Variants in CYRIA observed in about 807,000 individuals in gnomAD.
The protein encoded by CYRIA is CYFIP related Rac1 interactor A.
CYRIA carries 15 observed loss-of-function variants against 43.9 expected under a neutral mutation model. That is an observed-to-expected ratio of 0.34 (90% CI 0.23 to 0.53). The LOEUF (loss-of-function observed/expected upper bound fraction) is 0.53, where lower values mean the gene tolerates loss of function less well. CYRIA is among the 20% of genes least tolerant of loss of function. CYRIA has a pLI of 0.94. For synonymous variants in CYRIA, 117 were observed against 136.0 expected (o/e 0.86, Z 0.97); for missense variants, 236 against 394.2 (o/e 0.60, Z 3.40).
At chr2:16,562,256 C>T (rs878997822) in intron 5 of CYRIA, 115 bp from the exon 6 acceptor site, 20 of 1,131,034 alleles carry the variant, frequency 1.8e-5, no homozygotes, top group Non-Finnish European at 2.5e-5. Context: ...GAGTCTCTCC[C>T]GATAACTACG....
intron 2 of CYRIA, among the ~76,000 whole-genome samples, chr2:16,616,311 C>G (rs1054601401): frequency 9.9e-5 from 15 of 152,218 alleles, no homozygotes; most frequent in African/African-American, 3.6e-4. Context: ...CACACTAGCA[C>G]CAAAAACTCT....
At chr2:16,561,588 T>C (rs1294681108) in intron 6 of CYRIA, 55 bp from the exon 7 acceptor site, 2 of 1,356,760 alleles carry the variant, frequency 1.5e-6, no homozygotes, top group African/African-American at 1.4e-5. Context: ...ATGGGGTATA[T>C]GCATTAGGAG....
intron 9 of CYRIA, among the ~76,000 whole-genome samples, 172 bp from the exon 10 acceptor site, chr2:16,559,758 A>G (rs917910452): frequency 6.6e-6 from 1 of 152,130 alleles, no homozygotes; most frequent in Non-Finnish European, 1.5e-5. Flanking sequence ...TTCTCCTTGA[A>G]TCTATTCAAC....
Position 16,617,559 on chromosome 2 carries a change from G to A in CYRIA, c.-11+6305C>T, listed in dbSNP as rs998863665. Among the ~76,000 whole-genome samples, 7 of 152,374 alleles carry A rather than the reference G, an allele frequency of 4.6e-5. No individual in the cohort carries two copies. The East Asian group carries it at 9.6e-4, about 21-fold the overall frequency. On this transcript the variant is annotated intron_variant, in intron 2 of 11. Coordinates refer to ENST00000381323, the MANE Select transcript of CYRIA (RefSeq NM_030797.4). Reference sequence around the variant, plus strand: ...TAGCTGTGCCAGAGCTCTCAGCACAGGGCTGGTAGCTGCCTCATTAAGGCC... The same window carrying A: ...TAGCTGTGCCAGAGCTCTCAGCACAAGGCTGGTAGCTGCCTCATTAAGGCC...
chr2:16,653,165 C>T (rs1368182167), intron 1 of CYRIA, among the ~76,000 whole-genome samples: 1 of 152,180 alleles, frequency 6.6e-6, no homozygotes, highest in African/African-American at 2.4e-5. Context: ...ACAGCAAAAA[C>T]ATCCTGGGTC....
At chr2:16,589,003 A>G (rs1667831034) in intron 2 of CYRIA, among the ~76,000 whole-genome samples, 1 of 152,162 alleles carries the variant, frequency 6.6e-6, no homozygotes, top group African/African-American at 2.4e-5. Flanking sequence ...TTTAATAAAC[A>G]GAAAAATTTC....
At chr2:16,565,086 T>C (rs955743004) in intron 4 of CYRIA, among the ~76,000 whole-genome samples, 7 of 152,172 alleles carry the variant, frequency 4.6e-5, no homozygotes, top group African/African-American at 4.8e-5. Flanking sequence ...GCAATATCAC[T>C]TGTGTGTTTG....
chr2:16,603,128 C>T (rs1001840057), intron 2 of CYRIA, among the ~76,000 whole-genome samples: 1 of 152,130 alleles, frequency 6.6e-6, no homozygotes, highest in East Asian at 1.9e-4. Context: ...GGACAGAATG[C>T]ATTCAAATGA....
At chr2:16,658,454 A>C (rs1670171149) in intron 1 of CYRIA, among the ~76,000 whole-genome samples, 2 of 152,234 alleles carry the variant, frequency 1.3e-5, no homozygotes, top group South Asian at 4.1e-4. Context: ...AACATTATTA[A>C]CTTTAGTTCA....
chr2:16,581,547 T>G lies in CYRIA; in HGVS notation c.70+6503A>C, dbSNP rs2103447007. 2.0e-5 allele frequency among the ~76,000 whole-genome samples: 3 copies of G among 152,294 alleles called. 1 individual carries two copies. In the Middle Eastern group the frequency reaches 0.01, roughly 518 times the overall value. ...GGAAAGCTGTTTCACAGTTTCTTTT[T>G]TTTTTGTATGTATAAGCATGTTTAT... On this transcript the variant is annotated intron_variant, in intron 3 of 11. Coordinates refer to ENST00000381323, the MANE Select transcript of CYRIA (RefSeq NM_030797.4).
intron 2 of CYRIA, among the ~76,000 whole-genome samples, chr2:16,591,437 A>G (rs1015793859): frequency 6.6e-6 from 1 of 152,216 alleles, no homozygotes; most frequent in African/African-American, 2.4e-5. Context: ...TTTTAACTGA[A>G]AAAAGGAAAA....
intron 3 of CYRIA, among the ~76,000 whole-genome samples, chr2:16,575,229 G>A (rs1465262141): frequency 6.6e-6 from 1 of 152,166 alleles, no homozygotes; most frequent in Non-Finnish European, 1.5e-5. Context: ...TAACTAACTT[G>A]CTTTTGATTT....
At chr2:16,646,979 G>A (rs997316354) in intron 1 of CYRIA, among the ~76,000 whole-genome samples, 29 of 152,252 alleles carry the variant, frequency 1.9e-4, no homozygotes, top group African/African-American at 6.7e-4. Flanking sequence ...AGCTCTCCTG[G>A]GTCTCCAGCT....
At chr2:16,605,691 C>A (rs573998782) in intron 2 of CYRIA, among the ~76,000 whole-genome samples, 4 of 152,210 alleles carry the variant, frequency 2.6e-5, no homozygotes, top group Admixed American at 6.5e-5. Flanking sequence ...AAGGGAACAC[C>A]TAGAAGTTAT....
intron 2 of CYRIA, among the ~76,000 whole-genome samples, chr2:16,593,270 C>T (rs1039280272): frequency 3.9e-5 from 6 of 152,018 alleles, no homozygotes; most frequent in Non-Finnish European, 2.9e-5. Flanking sequence ...GATTCATGGT[C>T]CTTTATGTAT....
chr2:16,558,632 C>T (rs1404043039), intron 10 of CYRIA, among the ~76,000 whole-genome samples: 3 of 152,180 alleles, frequency 2.0e-5, no homozygotes, highest in Non-Finnish European at 2.9e-5. Flanking sequence ...AGCAAAGCAA[C>T]TGTGCACCAA....
intron 3 of CYRIA, among the ~76,000 whole-genome samples, chr2:16,572,549 G>A (rs1667171423): frequency 6.6e-6 from 1 of 152,164 alleles, no homozygotes; most frequent in African/African-American, 2.4e-5. Context: ...GAAACCAATA[G>A]TGGCAGGGAG....
intron 2 of CYRIA, 144 bp downstream of exon 2, chr2:16,623,720 C>T (rs369758561): frequency 6.6e-6 from 1 of 152,232 alleles, no homozygotes; most frequent in Non-Finnish European, 1.5e-5. Flanking sequence ...ACTCAGAATA[C>T]AGCTATAGAA....
chr2:16,562,218 A>C, intron 5 of CYRIA, 77 bp from the exon 6 acceptor site: 1 of 1,484,706 alleles, frequency 6.7e-7, no homozygotes, highest in Non-Finnish European at 9.1e-7. Flanking sequence ...TCCCAGCCTC[A>C]GTTGACAATC....
Sources: gnomAD v4.1 joint callset for allele counts (sites outside exome capture counted in the v4.1 genomes callset) on GRCh38, gnomAD v4.1.1 for gene constraint, MANE v1.5 for transcripts, NCBI Gene and HGNC (gene_info 2026-07-23, HGNC 2026-07-21) for gene names.